Variants in SEMA4D observed in about 807,000 individuals in gnomAD.
SEMA4D encodes semaphorin 4D.
SEMA4D carries 22 observed loss-of-function variants against 74.8 expected under a neutral mutation model. The observed-to-expected ratio is 0.29, with a 90% confidence interval of 0.21 to 0.42. SEMA4D has a LOEUF of 0.42. Ranked by LOEUF, SEMA4D falls within the 10% of genes least tolerant of loss-of-function variation. The probability of loss-of-function intolerance (pLI) is 1.00; values close to 1 mark genes in which losing one functional copy is unlikely to be tolerated. For synonymous variants in SEMA4D, 445 were observed against 463.7 expected, an observed-to-expected ratio of 0.96 and a Z score of 0.52; for missense variants, 937 against 1,118.4, an observed-to-expected ratio of 0.84 and a Z score of 2.31.
At chr9:89,460,806 A>G (rs1168096402) in intron 1 of SEMA4D, among the ~76,000 whole-genome samples, 3 of 152,228 alleles carry the variant, frequency 2.0e-5, no homozygotes, top group African/African-American at 4.8e-5. Flanking sequence ...GGAACTCAGC[A>G]CACTGGGCAT....
intron 2 of SEMA4D, chr9:89,449,625 T>G: frequency 1.7e-6 from 2 of 1,205,360 alleles, no homozygotes; most frequent in Non-Finnish European, 2.5e-6. Context: ...AACTATAAGA[T>G]GGGGGGGTGA....
intron 2 of SEMA4D, among the ~76,000 whole-genome samples, chr9:89,440,968 G>A (rs1177349242): frequency 2.0e-5 from 3 of 152,156 alleles, no homozygotes; most frequent in African/African-American, 7.2e-5. Context: ...CACCCAAGAG[G>A]GCAAAACAGC....
intron 2 of SEMA4D, among the ~76,000 whole-genome samples, chr9:89,435,127 G>A (rs1279114964): frequency 6.6e-6 from 1 of 152,148 alleles, no homozygotes; most frequent in Non-Finnish European, 1.5e-5. Context: ...GGAGTGCACG[G>A]GGGCTGCACA....
chr9:89,362,969 T>A (rs1832939057), intron 18 of SEMA4D, among the ~76,000 whole-genome samples: 1 of 152,138 alleles, frequency 6.6e-6, no homozygotes, highest in Non-Finnish European at 1.5e-5. Context: ...GTAGCCCAGT[T>A]CCTGCCAGGG....
intron 2 of SEMA4D, among the ~76,000 whole-genome samples, chr9:89,419,786 G>A (rs1223387772): frequency 6.6e-6 from 1 of 151,934 alleles, no homozygotes; most frequent in Non-Finnish European, 1.5e-5. Context: ...GTGTGGTGGT[G>A]CGCACCTGTC....
intron 5 of SEMA4D, 95 bp downstream of exon 5, chr9:89,399,181 G>T: frequency 9.7e-7 from 1 of 1,032,760 alleles, no homozygotes; most frequent in Non-Finnish European, 1.5e-6. Context: ...TGGAGAAAAG[G>T]CTGGCCTGCA....
intron 1 of SEMA4D, among the ~76,000 whole-genome samples, chr9:89,496,333 G>GGGCTCTGCATCCCCACGGCTCTGCATCC (rs1826011385): frequency 6.6e-6 from 1 of 152,162 alleles, no homozygotes; most frequent in African/African-American, 2.4e-5. Context: ...CCCCACGGTG[G>GGGCTCTGCATCCCCACGGCTCTGCATCC]CCTTTTGCCT....
rs556907035 is a variant in SEMA4D, at chr9:89,450,267, A to G, written c.-244+5621T>C. 4.9e-5 allele frequency: 49 copies of G among 1,000,928 alleles called. No individual in the cohort carries two copies. The South Asian group carries it at 6.2e-4, about 13-fold the overall frequency. The allele number at this position is 1,000,928 out of a possible 1,614,324, so 62.0% of individuals were successfully genotyped here. A position where few individuals can be genotyped will look rare whatever the true frequency, so the allele number is the denominator to read the frequency against. ...TCTCATCAGCTCAGGAAAGGGCAAG[A>G]CCAAGGATGCAGGAGAGAGAACCAC... On this transcript the variant is annotated intron_variant, in intron 2 of 15. Coordinates refer to ENST00000422704, the MANE Select transcript of SEMA4D (RefSeq NM_001371194.2).
At chr9:89,362,114 C>T in exon 19 of SEMA4D, 4 of 568,900 alleles carry the variant, frequency 7.0e-6, no homozygotes, top group East Asian at 2.9e-5. Flanking sequence ...GCTATCAAAG[C>T]CTGTTAGCCA....
chr9:89,391,459 G>A (rs745449842), intron 8 of SEMA4D, 44 bp from the exon 9 acceptor site: 39 of 1,603,358 alleles, frequency 2.4e-5, no homozygotes, highest in Non-Finnish European at 3.2e-5. Context: ...CAGAGCTGGG[G>A]GACTGCCTGC....
At chr9:89,373,589 A>G (rs986877869), downstream of SEMA4D, among the ~76,000 whole-genome samples, 1 of 152,174 alleles carries the variant, frequency 6.6e-6, no homozygotes, top group African/African-American at 2.4e-5. Flanking sequence ...ATGTCCTCTT[A>G]AGTTTCATAT....
intron 8 of SEMA4D, 132 bp downstream of exon 8, chr9:89,392,291 G>T: frequency 1.6e-6 from 1 of 629,346 alleles, no homozygotes; most frequent in Non-Finnish European, 2.8e-6. Context: ...AGTTTGGGAA[G>T]TATCCCCCAC....
chr9:89,461,700 C>CTCTCTCTCTTTTTTTTTTTTTTTTT (rs71281350), intron 1 of SEMA4D, among the ~76,000 whole-genome samples: 6 of 103,660 alleles, frequency 5.8e-5, no homozygotes, highest in East Asian at 3.7e-4. Flanking sequence ...TCTTTTTTCT[C>CTCTCTCTCTTTTTTTTTTTTTTTTT]TTTTTTTTTT....
chr9:89,426,220 C>T (rs938528766), intron 2 of SEMA4D, among the ~76,000 whole-genome samples: 2 of 152,184 alleles, frequency 1.3e-5, no homozygotes, highest in East Asian at 1.9e-4. Flanking sequence ...GGTGCAGGCA[C>T]GGCATGAGGG....
chr9:89,418,546 A>G, intron 2 of SEMA4D: 3 of 398,532 alleles, frequency 7.5e-6, no homozygotes, highest in Non-Finnish European at 1.0e-5. Context: ...CATATGGCAT[A>G]ATTACAAGCA....
chr9:89,371,104 T>G, intron 16 of SEMA4D, among the ~76,000 whole-genome samples: 2 of 7,694 alleles, frequency 2.6e-4, no homozygotes, highest in Non-Finnish European at 4.8e-4. Context: ...GTGTATAAGG[T>G]GTGTGTGGGG....
intron 1 of SEMA4D, among the ~76,000 whole-genome samples, chr9:89,458,555 GACAC>G (rs1178989179): frequency 6.6e-6 from 1 of 151,404 alleles, no homozygotes; most frequent in East Asian, 1.9e-4. Context: ...CATCCAAGCA[GACAC>G]ACACCCACCC....
At chr9:89,436,902 G>A (rs74318948) in intron 2 of SEMA4D, among the ~76,000 whole-genome samples, 2,124 of 152,350 alleles carry the variant, frequency 0.014, 49 homozygotes, top group African/African-American at 0.047. Flanking sequence ...AGCTGCCTAA[G>A]GCCACGGGAC....
intron 13 of SEMA4D, chr9:89,385,417 C>T (rs944427320): frequency 5.1e-6 from 5 of 985,430 alleles, no homozygotes; most frequent in South Asian, 4.7e-5. Flanking sequence ...CTTTCAACAA[C>T]GAGGCTGGGG....
Sources: allele counts gnomAD v4.1 joint callset (sites outside exome capture counted in the v4.1 genomes callset), GRCh38; gene constraint gnomAD v4.1.1; transcripts MANE v1.5; gene names NCBI Gene and HGNC (gene_info 2026-07-23, HGNC 2026-07-21).